The following INPP5F variants were observed in gnomAD, a reference collection of about 807,000 sequenced individuals.
INPP5F encodes the protein phosphatidylinositide 4-phosphatase SAC2.
INPP5F carries 97 observed loss-of-function variants against 137.2 expected under a neutral mutation model. The ratio of observed to expected loss-of-function variants is 0.71; its 90% confidence interval spans 0.60 to 0.84. The LOEUF (loss-of-function observed/expected upper bound fraction) is 0.84, where lower values mean the gene tolerates loss of function less well. Ranked by LOEUF, INPP5F falls within the 40% of genes least tolerant of loss-of-function variation. The pLI is 0.00. For missense variants in INPP5F, 1,271 were observed against 1,371.9 expected, an observed-to-expected ratio of 0.93 and a Z score of 1.16; for synonymous variants, 504 against 476.9, an observed-to-expected ratio of 1.06 and a Z score of -0.74.
intron 10 of INPP5F, among the ~76,000 whole-genome samples, chr10:119,804,646 G>A (rs1016915332): frequency 4.6e-5 from 7 of 151,620 alleles, no homozygotes; most frequent in African/African-American, 1.7e-4. Flanking sequence ...GTATCTTGCT[G>A]GCTCCTCTTC....
At chr10:119,759,282 A>G (rs1215620707) in intron 2 of INPP5F, among the ~76,000 whole-genome samples, 4 of 152,168 alleles carry the variant, frequency 2.6e-5, no homozygotes, top group African/African-American at 9.7e-5. Context: ...TGGCCTTTCA[A>G]AGTGCTGGGA....
At chr10:119,796,080 G>A (rs1214405687) in intron 6 of INPP5F, among the ~76,000 whole-genome samples, 3 of 147,842 alleles carry the variant, frequency 2.0e-5, no homozygotes, top group Non-Finnish European at 4.5e-5. Flanking sequence ...GAGAGGGAGA[G>A]GGGGAGGGGG....
chr10:119,760,505 G>A (rs1848979718), intron 2 of INPP5F, among the ~76,000 whole-genome samples: 1 of 152,092 alleles, frequency 6.6e-6, no homozygotes, highest in South Asian at 2.1e-4. Context: ...GACTGTGTGG[G>A]CCACCTATAC....
chr10:119,797,468 C>CTA lies in INPP5F; in HGVS notation c.879_880dup (p.Lys294IlefsTer21). 2 of 1,606,236 alleles carry CTA rather than the reference C, an allele frequency of 1.2e-6. No individual in the cohort carries two copies. The highest frequency in any genetic ancestry group is 2.2e-5 in the South Asian group (2 of 89,590). Reference sequence around the variant, plus strand: ...GTTTTAATTTTCTTTCAGGAATGCGCTATAAACGAAGAGGAGTGGATAAAA... The same window carrying CTA: ...GTTTTAATTTTCTTTCAGGAATGCGCTATATAAACGAAGAGGAGTGGATAAAA... On this transcript the variant is annotated frameshift_variant, in exon 8 of 20. Coordinates refer to ENST00000650623, the MANE Select transcript of INPP5F (RefSeq NM_014937.4). LOFTEE classifies it high-confidence loss of function.
At chr10:119,743,662 G>C (rs1171897360) in intron 1 of INPP5F, among the ~76,000 whole-genome samples, 1 of 137,622 alleles carries the variant, frequency 7.3e-6, no homozygotes, top group African/African-American at 2.6e-5. Context: ...CGGGGGGCGG[G>C]GGGGGGGATG....
chr10:119,811,316 G>T (rs1236899476), intron 14 of INPP5F, among the ~76,000 whole-genome samples: 1 of 152,184 alleles, frequency 6.6e-6, no homozygotes, highest in Non-Finnish European at 1.5e-5. Flanking sequence ...AATGAGATAG[G>T]GAGGAATAAC....
intron 1 of INPP5F, among the ~76,000 whole-genome samples, chr10:119,750,424 CT>C (rs1848659404): frequency 6.6e-6 from 1 of 152,210 alleles, no homozygotes; most frequent in South Asian, 2.1e-4. Flanking sequence ...TTGCTTCTCT[CT>C]TGTGTGTCTA....
intron 12 of INPP5F, 49 bp from the exon 13 acceptor site, chr10:119,807,883 A>G (rs750421656): frequency 2.0e-6 from 3 of 1,522,338 alleles, no homozygotes; most frequent in Middle Eastern, 1.8e-4. Flanking sequence ...ATTTTTTGCT[A>G]TGGTTTCCTG....
intron 11 of INPP5F, 144 bp from the exon 12 acceptor site, chr10:119,806,216 G>T: frequency 8.4e-6 from 4 of 476,324 alleles, no homozygotes; most frequent in Non-Finnish European, 1.1e-5. Flanking sequence ...GTCTATAAAT[G>T]ACTCAATAAT....
intron 8 of INPP5F, among the ~76,000 whole-genome samples, chr10:119,798,271 A>G (rs1232996272): frequency 6.6e-6 from 1 of 152,096 alleles, no homozygotes; most frequent in Non-Finnish European, 1.5e-5. Flanking sequence ...TTCTCTTATA[A>G]ACTACGTGAA....
Position 119,792,051 on chromosome 10 carries a change from T to G in INPP5F, c.612+15T>G, listed in dbSNP as rs1368660687. 3.1e-6 allele frequency: 5 copies of G among 1,614,200 alleles called. No individual in the cohort carries two copies. The highest frequency in any genetic ancestry group is 4.2e-6 in the Non-Finnish European group (5 of 1,180,028). On this transcript the variant is annotated intron_variant, in intron 5 of 19. Coordinates refer to ENST00000650623, the MANE Select transcript of INPP5F (RefSeq NM_014937.4). ...TCTGGCAGAAGGTACCACTCACAGC[T>G]CGTAGAGCAGGGTTTGCACTTGGGA...
At chr10:119,736,005 C>T (rs529807622) in intron 1 of INPP5F, among the ~76,000 whole-genome samples, 1 of 152,226 alleles carries the variant, frequency 6.6e-6, no homozygotes, top group South Asian at 2.1e-4. Context: ...TGGCGAGCGC[C>T]GGTAATCCCA....
At chr10:119,785,289 T>TTTTTTG (rs758796129) in intron 3 of INPP5F, among the ~76,000 whole-genome samples, 2 of 138,166 alleles carry the variant, frequency 1.4e-5, no homozygotes, top group African/African-American at 5.4e-5. Context: ...CCAGACTGTT[T>TTTTTTG]TTTTTTTTTT....
chr10:119,791,084 C>T (rs1284628949), intron 3 of INPP5F, among the ~76,000 whole-genome samples: 1 of 152,238 alleles, frequency 6.6e-6, no homozygotes, highest in Non-Finnish European at 1.5e-5. Flanking sequence ...GCCATCTTCT[C>T]AACCAAAACA....
At chr10:119,759,061 G>GAGA (rs1317930890) in intron 2 of INPP5F, among the ~76,000 whole-genome samples, 3 of 152,202 alleles carry the variant, frequency 2.0e-5, no homozygotes, top group African/African-American at 7.2e-5. Context: ...GGGTCTGACA[G>GAGA]GGTCCCTGTG....
At chr10:119,804,945 T>G (rs1850716011) in intron 10 of INPP5F, among the ~76,000 whole-genome samples, 1 of 152,152 alleles carries the variant, frequency 6.6e-6, no homozygotes, top group Admixed American at 6.5e-5. Context: ...CAGGCTGGTC[T>G]CAAACTCCTG....
chr10:119,771,047 C>G (rs995372327), intron 2 of INPP5F, among the ~76,000 whole-genome samples: 1 of 152,090 alleles, frequency 6.6e-6, no homozygotes, highest in African/African-American at 2.4e-5. Context: ...TCTCTAATTC[C>G]AGAACATTTT....
At chr10:119,794,164 G>A (rs989734371) in intron 6 of INPP5F, among the ~76,000 whole-genome samples, 4 of 151,802 alleles carry the variant, frequency 2.6e-5, no homozygotes, top group Non-Finnish European at 5.9e-5. Flanking sequence ...AGGACCCTGC[G>A]GCCTTCCGCA....
At chr10:119,764,343 G>A (rs981646915) in intron 2 of INPP5F, among the ~76,000 whole-genome samples, 5 of 150,856 alleles carry the variant, frequency 3.3e-5, no homozygotes, top group East Asian at 1.9e-4. Context: ...ACAGGCGTGT[G>A]CACACACACA....
Sources: gnomAD v4.1 joint callset for allele counts (sites outside exome capture counted in the v4.1 genomes callset) on GRCh38, gnomAD v4.1.1 for gene constraint, MANE v1.5 for transcripts, NCBI Gene and HGNC (gene_info 2026-07-23, HGNC 2026-07-21) for gene names.